SCRIB: variants seen among roughly 807,000 people sequenced by gnomAD.
SCRIB encodes the protein scribble planar cell polarity protein, also known as protein scribble homolog.
SCRIB carries 72 observed loss-of-function variants against 170.0 expected under a neutral mutation model. That is an observed-to-expected ratio of 0.42 (90% CI 0.35 to 0.52). The LOEUF is 0.52. Among genes scored for constraint, SCRIB ranks in the 20% least tolerant of loss-of-function variants. SCRIB has a pLI of 0.02. For synonymous variants in SCRIB, 1,298 were observed against 1,044.3 expected (o/e 1.24, Z -4.68); for missense variants, 2,475 against 2,338.5 (o/e 1.06, Z -1.20).
chr8:143,805,532 T>A, intron 18 of SCRIB, 97 bp from the exon 19 acceptor site: 1 of 1,255,498 alleles, frequency 8.0e-7, no homozygotes, highest in Non-Finnish European at 1.1e-6. Context: ...ATGGGGAGAC[T>A]GAGGCACAGG....
At chr8:143,795,606 G>T in intron 24 of SCRIB, 76 bp from the exon 25 acceptor site, 1 of 1,246,682 alleles carries the variant, frequency 8.0e-7, no homozygotes, top group Non-Finnish European at 1.2e-6. Context: ...TGGGGTCCCA[G>T]CCCAGAATAG....
intron 34 of SCRIB, 25 bp downstream of exon 34, chr8:143,791,851 G>A: frequency 6.5e-7 from 1 of 1,542,822 alleles, no homozygotes; most frequent in Middle Eastern, 1.7e-4. Context: ...GGGGTGAAGG[G>A]AAGGCATAGC....
Position 143,812,144 on chromosome 8 carries a change from C to T in SCRIB, c.906+122G>A, listed in dbSNP as rs1435070365. The T allele has an allele frequency of 3.9e-6, 3 of 760,986 alleles. No homozygotes were observed. The African/African-American group carries it at 5.1e-5, about 13-fold the overall frequency. 47.1% of individuals were successfully genotyped at this position (760,986 alleles called of 1,614,324 possible). On this transcript the variant is annotated intron_variant, in intron 9 of 36. Coordinates refer to ENST00000356994, the MANE Select transcript of SCRIB (RefSeq NM_182706.5). ...CCCCTCTGACAAGAGAAGAGCCCTT[C>T]CTGAGTGGCTCCACGTCAGGCTGCC...
In SCRIB at chr8:143,790,974, G is replaced by A; in HGVS notation, c.*189C>T. 2 of 511,642 alleles carry A rather than the reference G, an allele frequency of 3.9e-6. No homozygotes were observed. Among genetic ancestry groups the A allele is most frequent in the Non-Finnish European group, 6.2e-6 (2 of 321,036 alleles). The allele number at this position is 511,642 out of a possible 1,614,324, so 31.7% of individuals were successfully genotyped here. A position where few individuals can be genotyped will look rare whatever the true frequency, so the allele number is the denominator to read the frequency against. On this transcript the variant is annotated 3_prime_UTR_variant, in exon 37 of 37. Transcript: ENST00000356994. ...CTTAAACCACAAAATAGAGTCTTTG[G>A]TTGTACAAACATCACTAGTTACAGT...
chr8:143,800,976 G>C (rs572773964), intron 24 of SCRIB, among the ~76,000 whole-genome samples: 2 of 152,080 alleles, frequency 1.3e-5, no homozygotes, highest in Non-Finnish European at 1.5e-5. Flanking sequence ...ATTGACAATA[G>C]AAACTTTTCA....
At chr8:143,810,288 C>A (rs553408360) in intron 13 of SCRIB, among the ~76,000 whole-genome samples, 191 bp downstream of exon 13, 1 of 152,190 alleles carries the variant, frequency 6.6e-6, no homozygotes, top group African/African-American at 2.4e-5. Context: ...CCCTGCACGA[C>A]CCACACGTCC....
intron 24 of SCRIB, among the ~76,000 whole-genome samples, chr8:143,802,961 G>A (rs1427003831): frequency 6.6e-6 from 1 of 152,218 alleles, no homozygotes; most frequent in Non-Finnish European, 1.5e-5. Flanking sequence ...GTGCCACTAG[G>A]CACAGGAGCG....
rs202137464 is a variant in SCRIB at position 143,792,998 on chromosome 8, G to A, written c.3995C>T (p.Pro1332Leu). Residue 1332 changes from proline (P) to leucine (L), a missense_variant, in exon 29 of 37, where the codon CCG becomes CTG. This residue lies in a region of SCRIB where 1,966 missense variants were observed against 1,742.9 expected (regional missense o/e 1.13). Transcript: ENST00000356994. ...CACCTGGGCAGGGGCATCCTCAGGC[G>A]GGTGAGAAGTGGGCACGGCCGCGAA... is the stretch of plus-strand genomic sequence containing the variant. The part of the protein sequence containing the change: ...RAFAAVPTSH[P>L]PEDAPAQPPT... The A allele has an allele frequency of 7.1e-3, 10,773 of 1,514,076 alleles. 56 individuals are homozygous for A. Among genetic ancestry groups the A allele is most frequent in the Non-Finnish European group, 8.4e-3 (9,470 of 1,129,380 alleles). The allele number at this position is 1,514,076 out of a possible 1,614,324, so 93.8% of individuals were successfully genotyped here. A position where few individuals can be genotyped will look rare whatever the true frequency, so the allele number is the denominator to read the frequency against.
At position 143,803,527 on chromosome 8, in the gene SCRIB, C is replaced by T; in HGVS notation, c.3459G>A (p.Val1153=). ...GGTTCACCTCCAACAGCCGCAAACC[C>T]ACACGCAGCCGACCGTCGCGCCCGG... ...GAAGRDGRLR[V]GLRLLEVNQQ... Residue 1153 remains valine, a synonymous_variant, in exon 24 of 37, where the codon GTG becomes GTA. Coordinates refer to ENST00000356994, the MANE Select transcript of SCRIB (RefSeq NM_182706.5). The T allele has an allele frequency of 1.2e-6, 2 of 1,604,536 alleles. No homozygotes were observed. Among genetic ancestry groups the T allele is most frequent in the Non-Finnish European group, 1.7e-6 (2 of 1,179,458 alleles).
Position 143,804,779 on chromosome 8 carries a change from G to C in SCRIB, c.2798C>G (p.Ser933Cys), listed in dbSNP as rs1321709201. Reference sequence around the variant, plus strand: ...GGTGGGGGAGGCAGCGGTCAGCAGGGAGACGGCGTGGTCATGCCTGGCCTC... The same window carrying C: ...GGTGGGGGAGGCAGCGGTCAGCAGGCAGACGGCGTGGTCATGCCTGGCCTC... ...VTEARHDHAV[S>C]LLTAASPTIA... The change falls in exon 21 of 37, where the codon TCC (serine) becomes TGC (cysteine). Residue 933 changes from serine to cysteine, a missense_variant. Transcript: ENST00000356994. 2 of 1,601,624 alleles carry C rather than the reference G, an allele frequency of 1.2e-6. No homozygotes were observed. The highest frequency in any genetic ancestry group is 1.1e-5 in the South Asian group (1 of 89,748).
rs750092413 is a variant in SCRIB at position 143,810,729 on chromosome 8, G to A, written c.1361C>T (p.Pro454Leu). Reference protein sequence around the residue: ...RVSVIQFLEAPIGDEDAEEAA... With the variant: ...RVSVIQFLEALIGDEDAEEAA... ...TTCCTCAGCGTCCTCATCACCTATG[G>A]GGGCCTCCAGGAACTGGATGACGCT... The change falls in exon 12 of 37, where the codon CCC becomes CTC. Residue 454 changes from proline to leucine, a missense_variant. Physicochemically the swap from Pro to Leu is moderately conservative, Grantham distance 98 (BLOSUM62 -3). This residue lies in a region of SCRIB where 1,966 missense variants were observed against 1,742.9 expected (regional missense o/e 1.13). Transcript: ENST00000356994. 16 of 1,608,928 alleles carry A rather than the reference G, an allele frequency of 9.9e-6. No individual in the cohort carries two copies. In the Admixed American group the frequency reaches 2.5e-4, roughly 25 times the overall value.
chr8:143,800,170 C>A (rs138209318), intron 24 of SCRIB, among the ~76,000 whole-genome samples: 11 of 152,248 alleles, frequency 7.2e-5, no homozygotes, highest in African/African-American at 2.6e-4. Flanking sequence ...ATGTGTGAGA[C>A]CCCAGCTCCT....
At position 143,803,791 on chromosome 8, in the gene SCRIB, C is replaced by T; in HGVS notation, c.3270G>A (p.Arg1090=). ...GTAGGCCCGGGGGTGCCGGGTCCCT[C>T]CGCACCAGCAGCGACAGCTCCAGGC... ...RPCLELSLLV[R]RDPAPPGLRE... is the part of the protein sequence containing the mutation. The change falls in exon 23 of 37, where the codon CGG becomes CGA. Residue 1090 remains arginine (R), a synonymous_variant. Coordinates refer to ENST00000356994, the MANE Select transcript of SCRIB (RefSeq NM_182706.5). The T allele has an allele frequency of 6.2e-7, 1 of 1,603,290 alleles. No individual in the cohort carries two copies. The highest frequency in any genetic ancestry group is 2.2e-5 in the East Asian group (1 of 44,786).
At chr8:143,793,564 G>C (rs1814808424) in intron 28 of SCRIB, 3 of 355,296 alleles carry the variant, frequency 8.4e-6, no homozygotes, top group Non-Finnish European at 1.0e-5. Flanking sequence ...GCCAACAGTG[G>C]GGGGGCAAGG....
Position 143,791,974 on chromosome 8 carries a change from TGCCCTGACCC to T in SCRIB, c.4657+7_4657+16del. 6.9e-7 allele frequency: 1 copy of T among 1,449,246 alleles called. No individual in the cohort carries two copies. Among genetic ancestry groups the T allele is most frequent in the South Asian group, 1.4e-5 (1 of 72,986 alleles). 89.8% of individuals were successfully genotyped at this position (1,449,246 alleles called of 1,614,324 possible). A position where few individuals can be genotyped will look rare whatever the true frequency, so the allele number is the denominator to read the frequency against. Reference sequence around the variant, plus strand: ...ATGCGGCAGGCTGACCCCCCCGACCTGCCCTGACCCACAGACCTTCCACAGGGGTGGGCGA... The same window carrying T: ...ATGCGGCAGGCTGACCCCCCCGACCTACAGACCTTCCACAGGGGTGGGCGA... On this transcript the variant is annotated splice_region_variant and intron_variant, in intron 33 of 36. Transcript: ENST00000356994.
At chr8:143,796,520 G>C (rs1461999436) in intron 24 of SCRIB, among the ~76,000 whole-genome samples, 1 of 152,138 alleles carries the variant, frequency 6.6e-6, no homozygotes, top group African/African-American at 2.4e-5. Flanking sequence ...GAAAGGGTGT[G>C]AGTTCAGAGC....
At chr8:143,797,585 G>A (rs960946648) in intron 24 of SCRIB, among the ~76,000 whole-genome samples, 11 of 152,232 alleles carry the variant, frequency 7.2e-5, no homozygotes, top group African/African-American at 2.2e-4. Flanking sequence ...CTGACCCCAC[G>A]GTTCAGAGCA....
chr8:143,808,442 T>C (rs1446202029), intron 15 of SCRIB, among the ~76,000 whole-genome samples, 167 bp downstream of exon 15: 1 of 149,480 alleles, frequency 6.7e-6, no homozygotes, highest in East Asian at 2.0e-4. Flanking sequence ...AGGCCTGGGG[T>C]CTGGTGAGAG....
At position 143,815,218 on chromosome 8, in the gene SCRIB, G is replaced by A; in HGVS notation, c.155C>T (p.Pro52Leu). Residue 52 changes from proline (P) to leucine (L), a missense_variant, in exon 1 of 37, where the codon CCC becomes CTC. Pro to Leu is a moderately conservative substitution (Grantham distance 98). Around this residue, in one of 3 missense-constraint regions of SCRIB, gnomAD observed 487 missense variants for 558.1 expected, o/e 0.87. Coordinates refer to ENST00000356994, the MANE Select transcript of SCRIB (RefSeq NM_182706.5). Reference sequence around the variant, plus strand: ...CAGGTGCGGGCGGCCGCTCACCTTGGGCAGCTCGCGCAGCTGGTTGGCGTC... The same window carrying A: ...CAGGTGCGGGCGGCCGCTCACCTTGAGCAGCTCGCGCAGCTGGTTGGCGTC... Reference protein sequence around the residue: ...LLDANQLRELPKPFFRLLNLR... With the variant: ...LLDANQLRELLKPFFRLLNLR... The A allele has an allele frequency of 2.5e-6, 4 of 1,580,938 alleles. No homozygotes were observed. The highest frequency in any genetic ancestry group is 3.4e-6 in the Non-Finnish European group (4 of 1,170,264).
Sources: allele counts gnomAD v4.1 joint callset (sites outside exome capture counted in the v4.1 genomes callset), GRCh38; gene constraint gnomAD v4.1.1; regional missense constraint gnomAD v4.1.1; transcripts MANE v1.5; gene names NCBI Gene and HGNC (gene_info 2026-07-23, HGNC 2026-07-21).